DNAH8: variants seen among roughly 807,000 people sequenced by gnomAD.
The protein encoded by DNAH8 is dynein axonemal heavy chain 8, also known as axonemal beta dynein heavy chain 8.
DNAH8 carries 382 observed loss-of-function variants against 562.1 expected under a neutral mutation model. The ratio of observed to expected loss-of-function variants is 0.68; its 90% CI spans 0.63 to 0.74. DNAH8 has a LOEUF of 0.74. Ranked by LOEUF, DNAH8 falls within the 30% of genes least tolerant of loss-of-function variation. DNAH8 has a pLI of 0.00. For missense variants in DNAH8, 5,203 were observed against 5,620.4 expected (o/e 0.93, Z 2.37); for synonymous variants, 1,881 against 1,919.4 (o/e 0.98, Z 0.52).
intron 91 of DNAH8, among the ~76,000 whole-genome samples, chr6:39,017,234 G>A (rs1203776607): frequency 6.6e-6 from 1 of 151,814 alleles, no homozygotes; most frequent in Non-Finnish European, 1.5e-5. Context: ...TTTTTCTCGG[G>A]TGTCGCAAAG....
Position 38,864,002 on chromosome 6 carries a change from T to G in DNAH8, c.6440T>G (p.Ile2147Ser), listed in dbSNP as rs779758002. ...TARKERKKQF[I>S]FSDGDCVDLN... ...AGAAAAGAAAGAAAGAAACAGTTCA[T>G]TTTTTCTGATGGTGATTGTGTTGAT... Residue 2147 changes from isoleucine (I) to serine (S), a missense_variant, in exon 45 of 93, where the codon ATT becomes AGT. Physicochemically the swap from Ile to Ser is moderately radical, Grantham distance 142. Coordinates refer to ENST00000327475, the MANE Select transcript of DNAH8 (RefSeq NM_001206927.2). 5.6e-6 allele frequency: 9 copies of G among 1,610,844 alleles called. No individual in the cohort carries two copies. Among genetic ancestry groups the G allele is most frequent in the Non-Finnish European group, 6.8e-6 (8 of 1,179,396 alleles).
At position 38,903,608 on chromosome 6, in the gene DNAH8, CTTCCT is replaced by C. The variant is rs1445939520; in HGVS notation, c.9195-2643_9195-2639del. Among the ~76,000 whole-genome samples the C allele has an allele frequency of 1.3e-4, 16 of 120,148 alleles. 2 individuals carry two copies. The South Asian group carries it at 2.3e-3, about 17-fold the overall frequency. 78.8% of individuals were successfully genotyped at this position (120,148 alleles called of 152,430 possible). A position where few individuals can be genotyped will look rare whatever the true frequency, so the allele number is the denominator to read the frequency against. On this transcript the variant is annotated intron_variant, in intron 62 of 92. Coordinates refer to ENST00000327475, the MANE Select transcript of DNAH8 (RefSeq NM_001206927.2). ...TACAATGTTTTCTTTTTCTTTCTTT[CTTCCT>C]TTTTTTTTTTTTTTTTTGAGAAGGA...
Position 38,723,059 on chromosome 6 carries a change from G to C in DNAH8, c.250G>C (p.Val84Leu), listed in dbSNP as rs1345507643. The change falls in exon 2 of 93, where the codon GTT (valine) becomes CTT (leucine). Residue 84 changes from valine (V) to leucine (L), a missense_variant. Val to Leu is a conservative substitution (Grantham distance 32). Around this residue, in one of 6 missense-constraint regions of DNAH8, gnomAD observed 556 missense variants for 496.9 expected, o/e 1.12. Coordinates refer to ENST00000327475, the MANE Select transcript of DNAH8 (RefSeq NM_001206927.2). ...PDDHEADLNRVRQRLAPRPVQ... is the reference protein window; with the variant it reads ...PDDHEADLNRLRQRLAPRPVQ... ...TGATCATGAAGCGGATCTGAATAGA[G>C]TTCGACAGAGGCTTGCACCGCGACC... 1 of 1,612,916 alleles carries C rather than the reference G, an allele frequency of 6.2e-7. No homozygotes were observed.
intron 79 of DNAH8, among the ~76,000 whole-genome samples, chr6:38,943,244 G>T (rs1198543547): frequency 2.0e-5 from 3 of 152,184 alleles, no homozygotes; most frequent in Admixed American, 6.5e-5. Flanking sequence ...AGCAATAAAG[G>T]AGTTTTTCTT....
At chr6:38,958,195 C>T (rs571093951) in intron 82 of DNAH8, among the ~76,000 whole-genome samples, 12 of 151,298 alleles carry the variant, frequency 7.9e-5, no homozygotes, top group South Asian at 2.1e-4. Context: ...TTAGTAGAGA[C>T]GGGGTTTCAC....
chr6:39,004,950 C>A (rs1765714984), intron 88 of DNAH8, among the ~76,000 whole-genome samples: 1 of 152,184 alleles, frequency 6.6e-6, no homozygotes, highest in Admixed American at 6.5e-5. Flanking sequence ...GCATGTTCTA[C>A]TTTGGGGCTG....
intron 88 of DNAH8, among the ~76,000 whole-genome samples, 160 bp downstream of exon 88, chr6:38,990,332 A>G (rs1267977080): frequency 6.6e-6 from 1 of 151,954 alleles, no homozygotes; most frequent in African/African-American, 2.4e-5. Flanking sequence ...CAACTTTGTC[A>G]TATCTTGGCC....
intron 47 of DNAH8, 137 bp from the exon 48 acceptor site, chr6:38,867,925 A>G (rs1325524961): frequency 1.3e-6 from 1 of 763,688 alleles, no homozygotes; most frequent in Non-Finnish European, 2.1e-6. Context: ...AAGTTGAGCT[A>G]ATAAACCTTT....
chr6:38,846,155 A>G (rs1490048567), intron 36 of DNAH8, among the ~76,000 whole-genome samples: 3 of 152,174 alleles, frequency 2.0e-5, no homozygotes, highest in African/African-American at 7.2e-5. Flanking sequence ...TGGCCCGGGA[A>G]AAGCCTGCTG....
chr6:38,723,062 C>G lies in DNAH8; in HGVS notation c.253C>G (p.Arg85Gly), dbSNP rs545867507. The change falls in exon 2 of 93, where the codon CGA (arginine) becomes GGA (glycine). Residue 85 changes from arginine (R) to glycine (G), a missense_variant. Transcript: ENST00000327475. ...DDHEADLNRV[R>G]QRLAPRPVQS... ...TCATGAAGCGGATCTGAATAGAGTT[C>G]GACAGAGGCTTGCACCGCGACCGGT... is the stretch of plus-strand genomic sequence containing the variant. The G allele has an allele frequency of 1.2e-6, 2 of 1,612,840 alleles. No homozygotes were observed. Among genetic ancestry groups the G allele is most frequent in the Admixed American group, 3.3e-5 (2 of 60,018 alleles).
At chr6:38,752,735 AG>A (rs1162360503) in intron 9 of DNAH8, among the ~76,000 whole-genome samples, 3 of 152,146 alleles carry the variant, frequency 2.0e-5, no homozygotes, top group Non-Finnish European at 4.4e-5. Context: ...TTAATATGAA[AG>A]GGGAGGGAAA....
At chr6:38,792,758 A>C in intron 21 of DNAH8, among the ~76,000 whole-genome samples, 1 of 152,130 alleles carries the variant, frequency 6.6e-6, no homozygotes, top group Non-Finnish European at 1.5e-5. Context: ...TAAATTCAAG[A>C]CATACATTTA....
At chr6:38,921,612 C>A (rs373152602) in intron 71 of DNAH8, 106 bp downstream of exon 71, 1 of 1,263,570 alleles carries the variant, frequency 7.9e-7, no homozygotes, top group Non-Finnish European at 1.1e-6. Context: ...AAATATTGGC[C>A]AGCATGCCTA....
intron 21 of DNAH8, among the ~76,000 whole-genome samples, chr6:38,798,845 G>A (rs978418931): frequency 1.1e-4 from 17 of 152,266 alleles, no homozygotes; most frequent in African/African-American, 3.9e-4. Context: ...CCAGTGGTGG[G>A]AAGTCATCAC....
intron 3 of DNAH8, among the ~76,000 whole-genome samples, chr6:38,724,549 AG>A (rs1763050488): frequency 6.6e-6 from 1 of 152,234 alleles, no homozygotes; most frequent in Admixed American, 6.5e-5. Flanking sequence ...ATTGCAGGTC[AG>A]GTTACTATAT....
chr6:38,871,007 G>C (rs762709612), intron 49 of DNAH8, among the ~76,000 whole-genome samples: 1 of 152,110 alleles, frequency 6.6e-6, no homozygotes, highest in Non-Finnish European at 1.5e-5. Context: ...TGAATCTTTT[G>C]ACTGCATATG....
Position 38,906,407 on chromosome 6 carries a change from G to C in DNAH8, c.9348G>C (p.Glu3116Asp). The part of the protein sequence containing the change: ...EYLNNLLSSG[E>D]ISNLFARDEM... ...TTAACAACTTGCTATCTTCAGGGGA[G>C]GTAAGTCTCAAAAGTAGAGAAAAAG... is the stretch of plus-strand genomic sequence containing the variant. The change falls in exon 63 of 93, where the codon GAG becomes GAC. Residue 3116 changes from glutamate to aspartate, a missense_variant and splice_region_variant. This residue lies in a region of DNAH8 where 977 missense variants were observed against 1,061.8 expected (regional missense o/e 0.92). Coordinates refer to ENST00000327475, the MANE Select transcript of DNAH8 (RefSeq NM_001206927.2). 6.4e-7 allele frequency: 1 copy of C among 1,568,946 alleles called. No homozygotes were observed. Among genetic ancestry groups the C allele is most frequent in the East Asian group, 2.3e-5 (1 of 44,240 alleles).
intron 88 of DNAH8, among the ~76,000 whole-genome samples, chr6:39,000,267 G>T (rs1304780740): frequency 6.6e-6 from 1 of 152,190 alleles, no homozygotes; most frequent in African/African-American, 2.4e-5. Context: ...TAAAATCAGG[G>T]TATGTATACA....
chr6:39,010,810 C>A (rs977188331), intron 89 of DNAH8, among the ~76,000 whole-genome samples: 2 of 136,958 alleles, frequency 1.5e-5, no homozygotes, highest in African/African-American at 5.3e-5. Context: ...CGCACACACA[C>A]ACACACACAC....
Sources: allele counts gnomAD v4.1 joint callset (sites outside exome capture counted in the v4.1 genomes callset), GRCh38; gene constraint gnomAD v4.1.1; regional missense constraint gnomAD v4.1.1; transcripts MANE v1.5; gene names NCBI Gene and HGNC (gene_info 2026-07-23, HGNC 2026-07-21).